PDE1C: variants seen among roughly 807,000 people sequenced by gnomAD.
PDE1C encodes the protein dual specificity calcium/calmodulin-dependent 3',5'-cyclic nucleotide phosphodiesterase 1C.
A neutral mutation model predicts 93.1 loss-of-function variants in PDE1C; 62 were observed. That is an observed-to-expected ratio of 0.67 (90% CI 0.54 to 0.82). PDE1C has a LOEUF of 0.82. Among genes scored for constraint, PDE1C ranks in the 40% least tolerant of loss-of-function variants. PDE1C has a pLI of 0.00. For synonymous variants in PDE1C, 325 were observed against 310.1 expected (o/e 1.05, Z -0.50); for missense variants, 742 against 884.6 (o/e 0.84, Z 2.04).
At chr7:32,137,120 T>A (rs1285282466) in intron 3 of PDE1C, among the ~76,000 whole-genome samples, 2 of 152,214 alleles carry the variant, frequency 1.3e-5, no homozygotes, top group African/African-American at 4.8e-5. Flanking sequence ...ATAGTGTTTT[T>A]ATAAAGTAAA....
At chr7:31,649,345 A>C in the PDE1C span, among the ~76,000 whole-genome samples, 1 of 152,190 alleles carries the variant, frequency 6.6e-6, no homozygotes, top group African/African-American at 2.4e-5. Context: ...GAGTCCACCT[A>C]GCTGTAAAGT....
intron 1 of PDE1C, among the ~76,000 whole-genome samples, chr7:32,062,301 T>C (rs1338824303): frequency 2.0e-5 from 3 of 152,160 alleles, no homozygotes; most frequent in Non-Finnish European, 4.4e-5. Context: ...CTCACATCCA[T>C]GCCTACTGAT....
intron 12 of PDE1C, among the ~76,000 whole-genome samples, chr7:31,825,627 A>C (rs1789555822): frequency 6.6e-6 from 1 of 152,174 alleles, no homozygotes; most frequent in Non-Finnish European, 1.5e-5. Context: ...AAGATAGATA[A>C]GAAGGAAGAA....
chr7:31,643,019 A>G, the PDE1C span: 2 of 1,614,026 alleles, frequency 1.2e-6, no homozygotes, highest in Admixed American at 1.7e-5. Context: ...CCCCATGCTG[A>G]GTATGAGGTC....
At chr7:32,050,707 A>G (rs914545809) in intron 2 of PDE1C, among the ~76,000 whole-genome samples, 3 of 152,172 alleles carry the variant, frequency 2.0e-5, no homozygotes, top group Non-Finnish European at 4.4e-5. Flanking sequence ...TTATTCTATC[A>G]TTAGAGAACC....
intron 2 of PDE1C, among the ~76,000 whole-genome samples, chr7:32,003,913 T>C (rs1003244961): frequency 6.6e-6 from 1 of 152,208 alleles, no homozygotes; most frequent in African/African-American, 2.4e-5. Flanking sequence ...TAATTTCAGA[T>C]AACAATGTTT....
At chr7:31,640,970 T>A in the PDE1C span, among the ~76,000 whole-genome samples, 2 of 152,176 alleles carry the variant, frequency 1.3e-5, no homozygotes, top group African/African-American at 4.8e-5. Context: ...TTATACAAAA[T>A]TGAGCCATTA....
chr7:31,837,149 CA>C lies in PDE1C; in HGVS notation c.1203+30del, dbSNP rs760174166. The C allele has an allele frequency of 6.2e-6, 10 of 1,602,506 alleles. No individual in the cohort carries two copies. In the African/African-American group the frequency reaches 1.3e-4, roughly 22 times the overall value. ...AAATTCATAAAATATCCAATGATGA[CA>C]GTCCTGATGGAGAGAGAGCAACAAG... On this transcript the variant is annotated intron_variant, in intron 11 of 17. Transcript: ENST00000396191.
intron 16 of PDE1C, chr7:31,783,663 T>G (rs1024168729): frequency 1.3e-5 from 2 of 151,972 alleles, no homozygotes; most frequent in Admixed American, 1.3e-4. Context: ...AATAAACACA[T>G]CATTAATTTT....
At chr7:32,193,071 T>G (rs955024309) in intron 2 of PDE1C, among the ~76,000 whole-genome samples, 4 of 152,310 alleles carry the variant, frequency 2.6e-5, no homozygotes, top group African/African-American at 9.6e-5. Context: ...TGGGATTTTC[T>G]ATGTAGATAA....
At chr7:31,852,031 A>G (rs1366832291) in intron 7 of PDE1C, among the ~76,000 whole-genome samples, 1 of 152,246 alleles carries the variant, frequency 6.6e-6, no homozygotes, top group Non-Finnish European at 1.5e-5. Context: ...TCTGAATTAA[A>G]GATCAGTGCA....
intron 13 of PDE1C, among the ~76,000 whole-genome samples, chr7:31,824,194 G>A (rs576456360): frequency 3.5e-4 from 54 of 152,196 alleles, no homozygotes; most frequent in South Asian, 6.2e-4. Flanking sequence ...AGTAGTAGTC[G>A]TAATAGTAGT....
the PDE1C span, among the ~76,000 whole-genome samples, chr7:31,691,843 A>G: frequency 6.6e-6 from 1 of 151,586 alleles, no homozygotes; most frequent in Non-Finnish European, 1.5e-5. Context: ...AACCCACAAC[A>G]GAAGCCTTAT....
chr7:32,312,769 A>G (rs1212271659), intron 1 of PDE1C, among the ~76,000 whole-genome samples: 3 of 152,228 alleles, frequency 2.0e-5, no homozygotes, highest in Non-Finnish European at 2.9e-5. Flanking sequence ...TGGATTAAAG[A>G]CTTACATGTT....
At position 32,377,538 on chromosome 7, in the gene PDE1C, C is replaced by A. The variant is rs1424279930; in HGVS notation, c.310+50284G>T. On this transcript the variant is annotated intron_variant, in intron 1 of 1. Coordinates refer to the PDE1C transcript ENST00000672256. ...TCTTGCCATTGAGAAGCATTTTATC[C>A]CTGCGCTTCCATCCTCAAATGTTCC... 2.6e-5 allele frequency among the ~76,000 whole-genome samples: 4 copies of A among 152,084 alleles called. No homozygotes were observed. In the South Asian group the frequency reaches 8.3e-4, roughly 32 times the overall value.
chr7:31,809,016 G>A lies in PDE1C; in HGVS notation c.1891+15C>T. Reference sequence around the variant, plus strand: ...CACATTTTATGGAAAAATGTAATGAGAATAATACTCTTACCATCTGTTTTC... The same window carrying A: ...CACATTTTATGGAAAAATGTAATGAAAATAATACTCTTACCATCTGTTTTC... On this transcript the variant is annotated intron_variant, in intron 16 of 17. Coordinates refer to ENST00000396191, the MANE Select transcript of PDE1C (RefSeq NM_001191057.4). 1 of 1,431,804 alleles carries A rather than the reference G, an allele frequency of 7.0e-7. No individual in the cohort carries two copies. Among genetic ancestry groups the A allele is most frequent in the Non-Finnish European group, 9.8e-7 (1 of 1,016,604 alleles). The allele number at this position is 1,431,804 out of a possible 1,614,324, so 88.7% of individuals were successfully genotyped here.
chr7:32,101,296 CA>C (rs1798025446), intron 3 of PDE1C, among the ~76,000 whole-genome samples: 1 of 152,106 alleles, frequency 6.6e-6, no homozygotes, highest in African/African-American at 2.4e-5. Flanking sequence ...ATTTCTTGGC[CA>C]AGGACAATTG....
At chr7:32,298,051 TCTCTCTCTCTCTCC>T (rs1482212831) in intron 1 of PDE1C, among the ~76,000 whole-genome samples, 1,138 of 76,282 alleles carry the variant, frequency 0.015, 321 homozygotes, top group African/African-American at 0.059. Flanking sequence ...TCTCTCTCTC[TCTCTCTCTCTCTCC>T]CCTCTCTCTC....
At chr7:31,794,103 GATA>G (rs1390436017) in intron 16 of PDE1C, among the ~76,000 whole-genome samples, 4 of 151,398 alleles carry the variant, frequency 2.6e-5, no homozygotes, top group African/African-American at 9.7e-5. Flanking sequence ...TAGATAGACA[GATA>G]GATGGGCAGG....
Sources: allele counts gnomAD v4.1 joint callset (sites outside exome capture counted in the v4.1 genomes callset), GRCh38; gene constraint gnomAD v4.1.1; transcripts MANE v1.5; gene names NCBI Gene and HGNC (gene_info 2026-07-23, HGNC 2026-07-21).